CACNA2D3: variants seen among roughly 807,000 people sequenced by gnomAD.
CACNA2D3 encodes the protein voltage-dependent calcium channel subunit alpha-2/delta-3.
In CACNA2D3, 60 loss-of-function variants were observed where a neutral mutation model predicts 160.6. The ratio of observed to expected loss-of-function variants is 0.37; its 90% CI spans 0.30 to 0.46. The LOEUF (loss-of-function observed/expected upper bound fraction) is 0.46. Among genes scored for constraint, CACNA2D3 ranks in the 20% least tolerant of loss-of-function variants. CACNA2D3 has a pLI of 1.00. For missense variants in CACNA2D3, 1,205 were observed against 1,365.0 expected (o/e 0.88, Z 1.85); for synonymous variants, 558 against 492.9 (o/e 1.13, Z -1.75).
intron 4 of CACNA2D3, among the ~76,000 whole-genome samples, chr3:54,468,731 A>G (rs540996736): frequency 2.6e-5 from 4 of 152,272 alleles, no homozygotes; most frequent in East Asian, 3.9e-4. Flanking sequence ...GGGATGCTCA[A>G]GCTTGGTGGG....
intron 5 of CACNA2D3, among the ~76,000 whole-genome samples, chr3:54,512,582 A>C (rs1701477016): frequency 6.6e-6 from 1 of 152,130 alleles, no homozygotes; most frequent in African/African-American, 2.4e-5. Flanking sequence ...AAATTCAGTG[A>C]AGGGAGGACA....
chr3:54,391,250 T>C (rs1412799586), intron 4 of CACNA2D3, among the ~76,000 whole-genome samples: 1 of 152,240 alleles, frequency 6.6e-6, no homozygotes, highest in Non-Finnish European at 1.5e-5. Flanking sequence ...AATTTTATTT[T>C]CCATTTAAAT....
intron 4 of CACNA2D3, among the ~76,000 whole-genome samples, chr3:54,499,777 T>G (rs1220472117): frequency 6.6e-6 from 1 of 152,178 alleles, no homozygotes; most frequent in African/African-American, 2.4e-5. Flanking sequence ...CTTTTAAGTT[T>G]GTGAAGATGT....
rs189546696 is a variant in CACNA2D3 at position 54,225,397 on chromosome 3, G to T, written c.205-95045G>T. On this transcript the variant is annotated intron_variant, in intron 2 of 37. Transcript: ENST00000474759. ...GTGTTTTTAAAAAGTGCTTCCTACC[G>T]GTTCTCTTTCTCATTTCCCCTTGTG... Among the ~76,000 whole-genome samples, 17 of 152,182 alleles carry T rather than the reference G, an allele frequency of 1.1e-4. No individual in the cohort carries two copies. In the East Asian group the frequency reaches 3.3e-3, roughly 29 times the overall value.
intron 14 of CACNA2D3, among the ~76,000 whole-genome samples, chr3:54,833,419 C>T (rs1263605458): frequency 3.3e-5 from 5 of 152,108 alleles, no homozygotes; most frequent in Non-Finnish European, 7.3e-5. Context: ...GTTGACTCTA[C>T]GTCTGCATTT....
intron 12 of CACNA2D3, among the ~76,000 whole-genome samples, chr3:54,756,179 C>G (rs1208158883): frequency 6.6e-6 from 1 of 152,094 alleles, no homozygotes; most frequent in Non-Finnish European, 1.5e-5. Context: ...CATAATAATT[C>G]TCCTTCCCTT....
chr3:54,619,657 A>G (rs1698937403), intron 9 of CACNA2D3, among the ~76,000 whole-genome samples: 2 of 152,094 alleles, frequency 1.3e-5, no homozygotes, highest in South Asian at 2.1e-4. Context: ...CCTCCTTCCT[A>G]CCAGCTTTCT....
At chr3:54,510,563 G>GT (rs1701444406) in intron 5 of CACNA2D3, among the ~76,000 whole-genome samples, 1 of 152,142 alleles carries the variant, frequency 6.6e-6, no homozygotes, top group South Asian at 2.1e-4. Context: ...CCTGTCCCCT[G>GT]GTTCCCTTTT....
intron 5 of CACNA2D3, among the ~76,000 whole-genome samples, chr3:54,558,152 T>G (rs914667455): frequency 2.0e-4 from 30 of 152,338 alleles, no homozygotes; most frequent in South Asian, 2.1e-4. Context: ...ATTATGTTGC[T>G]CATTGTTTCC....
chr3:54,892,239 G>C (rs970940255), intron 25 of CACNA2D3, among the ~76,000 whole-genome samples: 4 of 151,968 alleles, frequency 2.6e-5, no homozygotes, highest in African/African-American at 9.7e-5. Context: ...AGAGTGGTTT[G>C]CAAGTGTGTG....
At position 54,840,437 on chromosome 3, in the gene CACNA2D3, C is replaced by T. The variant is rs1698794209; in HGVS notation, c.1551+1789C>T. Among the ~76,000 whole-genome samples, 3 of 110,612 alleles carry T rather than the reference C, an allele frequency of 2.7e-5. No individual in the cohort carries two copies. In the South Asian group the frequency reaches 9.9e-4, roughly 37 times the overall value. 72.6% of individuals were successfully genotyped at this position (110,612 alleles called of 152,430 possible). On this transcript the variant is annotated intron_variant, in intron 16 of 37. Coordinates refer to ENST00000474759, the MANE Select transcript of CACNA2D3 (RefSeq NM_018398.3). Reference sequence around the variant, plus strand: ...TTTTTTTTTTTTTTTTTGAGATGGACTCTCACTCTGTGGCCCAGGCTGGAG... The same window carrying T: ...TTTTTTTTTTTTTTTTTGAGATGGATTCTCACTCTGTGGCCCAGGCTGGAG...
chr3:54,446,535 C>G (rs921775895), intron 4 of CACNA2D3, among the ~76,000 whole-genome samples: 3 of 152,156 alleles, frequency 2.0e-5, no homozygotes, highest in African/African-American at 7.2e-5. Context: ...TAACAAACAT[C>G]AAGATTACCA....
intron 11 of CACNA2D3, among the ~76,000 whole-genome samples, chr3:54,729,514 G>A (rs1701343782): frequency 6.6e-6 from 1 of 152,190 alleles, no homozygotes. Flanking sequence ...GGTTCTCACT[G>A]ATTGTGCACA....
chr3:54,197,132 G>C (rs1181116798), intron 2 of CACNA2D3, among the ~76,000 whole-genome samples: 1 of 152,078 alleles, frequency 6.6e-6, no homozygotes, highest in Non-Finnish European at 1.5e-5. Flanking sequence ...GAGCTCCTGA[G>C]CCCAAGTAAT....
chr3:54,194,467 C>T (rs1701037754), intron 2 of CACNA2D3, among the ~76,000 whole-genome samples: 1 of 152,204 alleles, frequency 6.6e-6, no homozygotes. Context: ...TCCCTCTTTC[C>T]TGTCTCCCAC....
intron 27 of CACNA2D3, 56 bp from the exon 28 acceptor site, chr3:54,968,394 T>G: frequency 8.5e-7 from 1 of 1,173,252 alleles, no homozygotes; most frequent in Non-Finnish European, 1.3e-6. Flanking sequence ...ACGATAATCT[T>G]AAATAATTGT....
intron 11 of CACNA2D3, among the ~76,000 whole-genome samples, chr3:54,694,774 C>G (rs1485182611): frequency 2.0e-5 from 3 of 152,128 alleles, no homozygotes; most frequent in South Asian, 2.1e-4. Flanking sequence ...ATTCCCTTTT[C>G]TTCTTTTGTG....
At chr3:55,069,449 G>A (rs1168954300) in intron 35 of CACNA2D3, among the ~76,000 whole-genome samples, 2 of 151,964 alleles carry the variant, frequency 1.3e-5, no homozygotes, top group African/African-American at 2.4e-5. Flanking sequence ...TCTTCATTAA[G>A]GCATATGTTT....
chr3:54,325,178 T>C (rs1356888274), intron 3 of CACNA2D3, among the ~76,000 whole-genome samples: 1 of 152,100 alleles, frequency 6.6e-6, no homozygotes, highest in Non-Finnish European at 1.5e-5. Flanking sequence ...CACAGCCAAA[T>C]GTGCAGTGGG....
Sources: allele counts gnomAD v4.1 joint callset (sites outside exome capture counted in the v4.1 genomes callset), GRCh38; gene constraint gnomAD v4.1.1; transcripts MANE v1.5; gene names NCBI Gene and HGNC (gene_info 2026-07-23, HGNC 2026-07-21).